The following HMCN2 variants were observed in gnomAD, a reference collection of about 807,000 sequenced individuals.
HMCN2 encodes hemicentin-2.
In HMCN2, 325 loss-of-function variants were observed where a neutral mutation model predicts 377.5. The observed-to-expected ratio is 0.86, with a 90% CI of 0.79 to 0.94. HMCN2 has a LOEUF of 0.94. Among genes scored for constraint, HMCN2 ranks in the 40% least tolerant of loss-of-function variants. HMCN2 has a pLI of 0.00. For missense variants in HMCN2, 4,543 were observed against 4,725.3 expected (o/e 0.96, Z 1.13); for synonymous variants, 2,007 against 2,046.8 (o/e 0.98, Z 0.53).
chr9:130,311,985 A>AGGGTGTTTGCC (rs1273459504), intron 15 of HMCN2, among the ~76,000 whole-genome samples: 1 of 152,210 alleles, frequency 6.6e-6, no homozygotes, highest in African/African-American at 2.4e-5. Context: ...CGGCGCTTCT[A>AGGGTGTTTGCC]GGGTGTTTGC....
rs1304971715 is a variant in HMCN2 at position 130,429,618 on chromosome 9, C to T, written c.14259C>T (p.Thr4753=). The change falls in exon 94 of 98, where the codon ACC becomes ACT. Residue 4753 remains threonine, a synonymous_variant. Transcript: ENST00000683500. ...ACTACAACCAGCTCTGCGAGAACAC[C>T]CCAGGCGGTCACCGCTGCAGCTGCC... is the stretch of plus-strand genomic sequence containing the variant. ...DCHYNQLCEN[T]PGGHRCSCPR... 1.3e-6 allele frequency: 2 copies of T among 1,549,952 alleles called. No homozygotes were observed.
intron 60 of HMCN2, 82 bp downstream of exon 60, chr9:130,385,844 G>T: frequency 9.8e-7 from 1 of 1,023,132 alleles, no homozygotes; most frequent in Non-Finnish European, 1.3e-6. Context: ...GGGGAGGAAG[G>T]TGGGCAGGAT....
At chr9:130,429,812 G>A in intron 94 of HMCN2, 127 bp downstream of exon 94, 1 of 1,426,120 alleles carries the variant, frequency 7.0e-7, no homozygotes, top group Non-Finnish European at 9.2e-7. Context: ...CAGCTCAGGG[G>A]CTGAGGGTGT....
rs1554934961 is a variant in HMCN2, at chr9:130,302,844, TC to T, written c.1277-9del. 2.2e-6 allele frequency: 1 copy of T among 457,264 alleles called. No individual in the cohort carries two copies. Among genetic ancestry groups the T allele is most frequent in the South Asian group, 1.6e-5 (1 of 62,656 alleles). 28.3% of individuals were successfully genotyped at this position (457,264 alleles called of 1,614,324 possible). On this transcript the variant is annotated splice_polypyrimidine_tract_variant and intron_variant, in intron 8 of 97. Transcript: ENST00000683500. ...GGTGGGGAGACATTCTGAGTCCTGG[TC>T]CCCGCCTACAGGCGCTCCCCTCGTC...
chr9:130,310,747 C>G (rs906113420), intron 15 of HMCN2, among the ~76,000 whole-genome samples: 2 of 152,144 alleles, frequency 1.3e-5, no homozygotes, highest in African/African-American at 4.8e-5. Context: ...GGAGGCCCAC[C>G]GCAGACAGTT....
chr9:130,387,829 A>C (rs1842101594), intron 61 of HMCN2, among the ~76,000 whole-genome samples: 1 of 152,236 alleles, frequency 6.6e-6, no homozygotes, highest in South Asian at 2.1e-4. Context: ...TAATCCCAGC[A>C]CTTTGAAAGG....
At position 130,383,953 on chromosome 9, in the gene HMCN2, G is replaced by A. The variant is rs888960133; in HGVS notation, c.8830+353G>A. Among the ~76,000 whole-genome samples, 11 of 152,280 alleles carry A rather than the reference G, an allele frequency of 7.2e-5. No homozygotes were observed. In the East Asian group the frequency reaches 1.7e-3, roughly 24 times the overall value. ...CTGTGGGAGGAGACTCAGGGAGGTC[G>A]CCCTCAGAGAGGAGTGGGATTGGGG... On this transcript the variant is annotated intron_variant, in intron 57 of 97. Coordinates refer to ENST00000683500, the MANE Select transcript of HMCN2 (RefSeq NM_001291815.2).
intron 19 of HMCN2, among the ~76,000 whole-genome samples, 153 bp from the exon 20 acceptor site, chr9:130,325,442 C>T (rs1838082260): frequency 6.6e-6 from 1 of 152,200 alleles, no homozygotes; most frequent in Non-Finnish European, 1.5e-5. Context: ...AATTGCCTTC[C>T]TTTTTAAGGA....
Position 130,370,945 on chromosome 9 carries a change from G to A in HMCN2, c.7070-19G>A. On this transcript the variant is annotated intron_variant, in intron 45 of 97. Transcript: ENST00000683500. ...AGCCCATATCTGCACCCTGAATGTG[G>A]CTTCTTCTTTGTGTCCAGTGCCCCC... is the stretch of plus-strand genomic sequence containing the variant. 1 of 986,088 alleles carries A rather than the reference G, an allele frequency of 1.0e-6. No individual in the cohort carries two copies. The highest frequency in any genetic ancestry group is 1.2e-6 in the Non-Finnish European group (1 of 830,102). The allele number at this position is 986,088 out of a possible 1,614,324, so 61.1% of individuals were successfully genotyped here. A position where few individuals can be genotyped will look rare whatever the true frequency, so the allele number is the denominator to read the frequency against.
intron 85 of HMCN2, among the ~76,000 whole-genome samples, chr9:130,416,798 C>T (rs986077607): frequency 6.6e-6 from 1 of 151,120 alleles, no homozygotes; most frequent in African/African-American, 2.4e-5. Flanking sequence ...GTCCCCAGGG[C>T]CTGTGAATGT....
intron 5 of HMCN2, 89 bp downstream of exon 5, chr9:130,295,115 C>A: frequency 3.2e-6 from 1 of 309,272 alleles, no homozygotes; most frequent in Non-Finnish European, 6.8e-6. Flanking sequence ...CCAAGGGTGA[C>A]AGGGCTTCAG....
At chr9:130,392,576 T>C (rs999835372) in intron 66 of HMCN2, among the ~76,000 whole-genome samples, 3 of 152,044 alleles carry the variant, frequency 2.0e-5, no homozygotes, top group Non-Finnish European at 4.4e-5. Flanking sequence ...AAGCTGTCCA[T>C]ATGGGACGTG....
At chr9:130,383,451 T>G (rs945252044) in intron 56 of HMCN2, 53 bp from the exon 57 acceptor site, 76 of 807,918 alleles carry the variant, frequency 9.4e-5, no homozygotes, top group East Asian at 1.3e-4. Flanking sequence ...CTGGGGGTGG[T>G]GGTGTCCAAG....
chr9:130,379,812 A>G (rs1462411614), intron 54 of HMCN2, among the ~76,000 whole-genome samples: 1 of 152,218 alleles, frequency 6.6e-6, no homozygotes, highest in Admixed American at 6.5e-5. Context: ...CTAGCTGGGC[A>G]TTGAAGGGCA....
At chr9:130,336,070 C>A (rs1029552250) in intron 22 of HMCN2, among the ~76,000 whole-genome samples, 1 of 151,816 alleles carries the variant, frequency 6.6e-6, no homozygotes, top group Non-Finnish European at 1.5e-5. Context: ...AGACCTGCTC[C>A]GGTGCATGTG....
chr9:130,326,445 C>T (rs1035230646), intron 21 of HMCN2, among the ~76,000 whole-genome samples: 3 of 152,092 alleles, frequency 2.0e-5, no homozygotes, highest in Non-Finnish European at 4.4e-5. Flanking sequence ...GAAGATGGGG[C>T]GGGACCTGTC....
chr9:130,383,321 C>A (rs183434419), intron 56 of HMCN2, among the ~76,000 whole-genome samples, 183 bp from the exon 57 acceptor site: 2 of 152,204 alleles, frequency 1.3e-5, no homozygotes, highest in Non-Finnish European at 1.5e-5. Context: ...CAACACCAAC[C>A]TCACACGCCC....
Position 130,414,218 on chromosome 9 carries a change from C to G in HMCN2, c.12961+3566C>G, listed in dbSNP as rs1009653635. 6.6e-6 allele frequency among the ~76,000 whole-genome samples: 1 copy of G among 152,164 alleles called. No homozygotes were observed. Among genetic ancestry groups the G allele is most frequent in the Non-Finnish European group, 1.5e-5 (1 of 68,036 alleles). On this transcript the variant is annotated intron_variant, in intron 85 of 97. Coordinates refer to ENST00000683500, the MANE Select transcript of HMCN2 (RefSeq NM_001291815.2). This position sits in a 1 kb window ranked among gnomAD's most constrained non-coding sequence, Gnocchi z 4.4. ...ACAGAATTGTCACCACTGTCATCTA[C>G]TGAGTGGGAAGCTCCTCCCCCGTGT... is the stretch of plus-strand genomic sequence containing the variant.
intron 15 of HMCN2, 76 bp downstream of exon 15, chr9:130,310,137 G>T: frequency 2.3e-6 from 1 of 427,690 alleles, no homozygotes. Flanking sequence ...GAGTAGGGAG[G>T]GGAAGCTCTC....
Sources: allele counts gnomAD v4.1 joint callset (sites outside exome capture counted in the v4.1 genomes callset), GRCh38; gene constraint gnomAD v4.1.1; non-coding constraint Gnocchi (gnomAD v3.1); transcripts MANE v1.5; gene names NCBI Gene and HGNC (gene_info 2026-07-23, HGNC 2026-07-21).